Variants in CDYL2 observed in about 807,000 individuals in gnomAD.
The protein encoded by CDYL2 is chromodomain Y-like protein 2.
In CDYL2, 23 loss-of-function variants were observed where a neutral mutation model predicts 49.4. The ratio of observed to expected loss-of-function variants is 0.47; its 90% CI spans 0.34 to 0.66. The LOEUF (loss-of-function observed/expected upper bound fraction) is 0.66. Among genes scored for constraint, CDYL2 ranks in the 30% least tolerant of loss-of-function variants. CDYL2 has a pLI of 0.01. For missense variants in CDYL2, 678 were observed against 656.4 expected (o/e 1.03, Z -0.36); for synonymous variants, 360 against 268.8 (o/e 1.34, Z -3.32).
At chr16:80,803,142 T>G (rs1448319879) in intron 1 of CDYL2, among the ~76,000 whole-genome samples, 1 of 152,190 alleles carries the variant, frequency 6.6e-6, no homozygotes, top group Non-Finnish European at 1.5e-5. Context: ...GGCTGTTCCT[T>G]GTGTTGTCCA....
At chr16:80,700,850 A>G (rs2142499892) in intron 1 of CDYL2, among the ~76,000 whole-genome samples, 1 of 152,382 alleles carries the variant, frequency 6.6e-6, no homozygotes, top group East Asian at 1.9e-4. Flanking sequence ...GAAGAAATGT[A>G]TCACCTCTGA....
Position 80,772,363 on chromosome 16 carries a change from C to T in CDYL2, c.24+31787G>A, listed in dbSNP as rs143268888. On this transcript the variant is annotated intron_variant, in intron 1 of 6. Coordinates refer to ENST00000570137, the MANE Select transcript of CDYL2 (RefSeq NM_152342.4). ...GCTTAAAATATACAGAAATAAAACACTCAAAAACAACAGCACTTAAGACAA... is the reference window on the plus strand; with the variant it reads ...GCTTAAAATATACAGAAATAAAACATTCAAAAACAACAGCACTTAAGACAA... Among the ~76,000 whole-genome samples the T allele has an allele frequency of 5.8e-3, 879 of 152,270 alleles. 15 individuals carry two copies. Among genetic ancestry groups the T allele is most frequent in the East Asian group, 0.013 (67 of 5,182 alleles).
chr16:80,715,380 C>A (rs1009370502), intron 1 of CDYL2, among the ~76,000 whole-genome samples: 3 of 152,254 alleles, frequency 2.0e-5, no homozygotes, highest in Admixed American at 6.5e-5. Context: ...CCAACTAATC[C>A]AGTTATCCAA....
intron 2 of CDYL2, among the ~76,000 whole-genome samples, chr16:80,643,829 T>A (rs375192206): frequency 1.5e-3 from 224 of 152,320 alleles, no homozygotes; most frequent in African/African-American, 5.3e-3. Context: ...CATTTTCCCC[T>A]AGGCCTCCAG....
rs566656135 is a variant in CDYL2 at position 80,737,723 on chromosome 16, G to A, written c.25-52594C>T. Among the ~76,000 whole-genome samples the A allele has an allele frequency of 3.8e-4, 58 of 152,268 alleles. No individual in the cohort carries two copies. In the South Asian group the frequency reaches 7.1e-3, roughly 19 times the overall value. ...GCTGGGCTGCACATCCAGAGTTTCC[G>A]ATTCAGTAGGTCTGGGGTAAGGCTG... On this transcript the variant is annotated intron_variant, in intron 1 of 6. Transcript: ENST00000570137.
At chr16:80,775,034 G>C (rs1372834140) in intron 1 of CDYL2, among the ~76,000 whole-genome samples, 1 of 151,618 alleles carries the variant, frequency 6.6e-6, no homozygotes, top group Non-Finnish European at 1.5e-5. Context: ...TTTCAAATTA[G>C]GTAACTATAT....
chr16:80,739,799 G>A (rs1323735063), intron 1 of CDYL2, among the ~76,000 whole-genome samples: 4 of 152,152 alleles, frequency 2.6e-5, no homozygotes, highest in Non-Finnish European at 4.4e-5. Context: ...GCCAATCAGG[G>A]AAACTCCCCA....
At chr16:80,740,290 T>C (rs965604326) in intron 1 of CDYL2, among the ~76,000 whole-genome samples, 3 of 152,180 alleles carry the variant, frequency 2.0e-5, no homozygotes, top group Non-Finnish European at 4.4e-5. Context: ...TACTGAGATA[T>C]ATTCTCATTC....
intron 2 of CDYL2, among the ~76,000 whole-genome samples, chr16:80,641,187 GAA>G (rs1160454690): frequency 6.6e-6 from 1 of 152,068 alleles, no homozygotes; most frequent in Non-Finnish European, 1.5e-5. Flanking sequence ...CAAGGATAAA[GAA>G]AAGATTCCAA....
At chr16:80,788,814 A>T (rs1907517421) in intron 1 of CDYL2, among the ~76,000 whole-genome samples, 1 of 152,198 alleles carries the variant, frequency 6.6e-6, no homozygotes. Context: ...TCTGGCACAT[A>T]TTAAATGCTA....
intron 1 of CDYL2, among the ~76,000 whole-genome samples, chr16:80,708,557 G>A (rs1287629827): frequency 1.3e-5 from 2 of 152,136 alleles, no homozygotes. Flanking sequence ...TACAGCCACA[G>A]CCCTCCCTAT....
intron 1 of CDYL2, among the ~76,000 whole-genome samples, chr16:80,773,440 A>C (rs1208540434): frequency 1.3e-5 from 2 of 152,202 alleles, no homozygotes; most frequent in African/African-American, 4.8e-5. Flanking sequence ...AAAACGCAGC[A>C]AGGTTAAATA....
intron 1 of CDYL2, among the ~76,000 whole-genome samples, chr16:80,734,187 A>G (rs1266639350): frequency 2.0e-5 from 3 of 152,206 alleles, no homozygotes; most frequent in Admixed American, 1.3e-4. Context: ...CCGTATTTCA[A>G]TAGAGTTACC....
chr16:80,638,782 A>G lies in CDYL2; in HGVS notation c.617-5546T>C, dbSNP rs201595109. On this transcript the variant is annotated intron_variant, in intron 2 of 6. Coordinates refer to ENST00000570137, the MANE Select transcript of CDYL2 (RefSeq NM_152342.4). ...AAATGGATATCCATTTGAAAAAGGGAAAAAAAAGAACCTAGACACAAACTC... is the reference window on the plus strand; with the variant it reads ...AAATGGATATCCATTTGAAAAAGGGGAAAAAAAGAACCTAGACACAAACTC... Among the ~76,000 whole-genome samples the G allele has an allele frequency of 1.2e-4, 19 of 152,102 alleles. No homozygotes were observed. In the East Asian group the frequency reaches 3.1e-3, roughly 25 times the overall value.
chr16:80,765,568 C>A (rs1197776575), intron 1 of CDYL2, among the ~76,000 whole-genome samples: 1 of 151,588 alleles, frequency 6.6e-6, no homozygotes, highest in Non-Finnish European at 1.5e-5. Flanking sequence ...TAGGTATAAA[C>A]CTAAGAGAAA....
chr16:80,639,678 G>GT (rs1284370313), intron 2 of CDYL2: 1 of 455,900 alleles, frequency 2.2e-6, no homozygotes, highest in Non-Finnish European at 4.4e-6. Flanking sequence ...ACAGGACCCG[G>GT]TTTTAACTTC....
chr16:80,782,820 T>G (rs754474547), intron 1 of CDYL2, among the ~76,000 whole-genome samples: 1 of 151,916 alleles, frequency 6.6e-6, no homozygotes. Context: ...AAATAAAATT[T>G]TGAAAAACTA....
chr16:80,717,618 A>C (rs1384891030), intron 1 of CDYL2, among the ~76,000 whole-genome samples: 3 of 152,222 alleles, frequency 2.0e-5, no homozygotes, highest in Non-Finnish European at 4.4e-5. Flanking sequence ...CACCTTCTCC[A>C]GTCTCCTCCA....
At chr16:80,757,669 T>C (rs1241191133) in intron 1 of CDYL2, among the ~76,000 whole-genome samples, 1 of 151,820 alleles carries the variant, frequency 6.6e-6, no homozygotes, top group Non-Finnish European at 1.5e-5. Flanking sequence ...ACATTTTATA[T>C]ATTTAACAGG....
Sources: gnomAD v4.1 joint callset for allele counts (sites outside exome capture counted in the v4.1 genomes callset) on GRCh38, gnomAD v4.1.1 for gene constraint, MANE v1.5 for transcripts, NCBI Gene and HGNC (gene_info 2026-07-23, HGNC 2026-07-21) for gene names.